BCAS3: variants seen among roughly 807,000 people sequenced by gnomAD.
BCAS3 encodes the protein BCAS3 microtubule associated cell migration factor.
A neutral mutation model predicts 116.1 loss-of-function variants in BCAS3; 53 were observed. The observed-to-expected ratio is 0.46, with a 90% CI of 0.37 to 0.57. The LOEUF is 0.57. Ranked by LOEUF, BCAS3 falls within the 20% of genes least tolerant of loss-of-function variation. The pLI is 0.00. For missense variants in BCAS3, 917 were observed against 1,165.4 expected, an observed-to-expected ratio of 0.79 and a Z score of 3.10; for synonymous variants, 391 against 408.2, an observed-to-expected ratio of 0.96 and a Z score of 0.51.
intron 22 of BCAS3, among the ~76,000 whole-genome samples, chr17:61,179,447 G>A (rs933721560): frequency 4.6e-5 from 7 of 152,154 alleles, no homozygotes; most frequent in African/African-American, 1.7e-4. Context: ...AGCCCCAGTA[G>A]ACAGGCTATT....
intron 22 of BCAS3, among the ~76,000 whole-genome samples, chr17:61,103,737 C>T (rs2051068547): frequency 6.6e-6 from 1 of 152,096 alleles, no homozygotes; most frequent in African/African-American, 2.4e-5. Flanking sequence ...TCTATTGCTC[C>T]CTCACAGCAA....
chr17:60,910,151 A>G (rs2058414419), intron 11 of BCAS3, among the ~76,000 whole-genome samples: 1 of 152,212 alleles, frequency 6.6e-6, no homozygotes, highest in Admixed American at 6.5e-5. Context: ...AGAATTGACC[A>G]TTTCATAGTT....
At chr17:60,732,272 G>A (rs1354634978) in intron 5 of BCAS3, among the ~76,000 whole-genome samples, 2 of 152,044 alleles carry the variant, frequency 1.3e-5, no homozygotes, top group Non-Finnish European at 2.9e-5. Context: ...GTCTCCATAT[G>A]GTTAGTACAT....
At position 61,343,285 on chromosome 17, in the gene BCAS3, A is replaced by G. The variant is rs140956334; in HGVS notation, c.2426-25042A>G. On this transcript the variant is annotated intron_variant, in intron 22 of 23. Coordinates refer to ENST00000407086, the MANE Select transcript of BCAS3 (RefSeq NM_017679.5). This position sits in a 1 kb window ranked among gnomAD's most constrained non-coding sequence, Gnocchi z 5.5. ...GTGGAGGAGCAGAACAAGCCCTTCAATTGTGCACCGTTGTGTATGGTGCCA... is the reference window on the plus strand; with the variant it reads ...GTGGAGGAGCAGAACAAGCCCTTCAGTTGTGCACCGTTGTGTATGGTGCCA... 3.1e-3 allele frequency among the ~76,000 whole-genome samples: 472 copies of G among 152,308 alleles called. 9 individuals are homozygous for G. The highest frequency in any genetic ancestry group is 0.029 in the Admixed American group (437 of 15,288).
At chr17:61,312,116 G>C (rs1328612673) in intron 22 of BCAS3, among the ~76,000 whole-genome samples, 3 of 152,322 alleles carry the variant, frequency 2.0e-5, no homozygotes, top group Non-Finnish European at 4.4e-5. Context: ...TAGGCCGTCA[G>C]TAAGAGGTAC....
intron 13 of BCAS3, among the ~76,000 whole-genome samples, chr17:60,929,543 CTT>C (rs954373283): frequency 1.3e-5 from 2 of 151,890 alleles, no homozygotes; most frequent in African/African-American, 4.8e-5. Context: ...TATGTAATTT[CTT>C]TTTTATTTTA....
intron 23 of BCAS3, among the ~76,000 whole-genome samples, chr17:61,369,708 A>G (rs2058946059): frequency 6.6e-6 from 1 of 152,172 alleles, no homozygotes; most frequent in South Asian, 2.1e-4. Context: ...GATGGAAACG[A>G]TAGGTGCAAG....
chr17:60,757,208 TG>T (rs1224284891), intron 6 of BCAS3, among the ~76,000 whole-genome samples: 1 of 150,466 alleles, frequency 6.6e-6, no homozygotes, highest in Non-Finnish European at 1.5e-5. Flanking sequence ...ATTAGCCACT[TG>T]GGGGGCTGAG....
chr17:60,839,857 A>T (rs1156554463), intron 7 of BCAS3, among the ~76,000 whole-genome samples: 3 of 152,174 alleles, frequency 2.0e-5, no homozygotes, highest in Non-Finnish European at 4.4e-5. Flanking sequence ...ATACATGCAC[A>T]TTCTTGGAAA....
chr17:61,266,233 A>G (rs1327063734), intron 22 of BCAS3, among the ~76,000 whole-genome samples: 1 of 152,206 alleles, frequency 6.6e-6, no homozygotes, highest in East Asian at 1.9e-4. Context: ...TTACCTTAGT[A>G]CTTGGGAGTT....
Position 61,241,527 on chromosome 17 carries a change from C to T in BCAS3, c.2426-126800C>T, listed in dbSNP as rs945159117. Among the ~76,000 whole-genome samples, 12 of 151,864 alleles carry T rather than the reference C, an allele frequency of 7.9e-5. No individual in the cohort carries two copies. Among genetic ancestry groups the T allele is most frequent in the South Asian group, 2.1e-4 (1 of 4,816 alleles). On this transcript the variant is annotated intron_variant, in intron 22 of 23. Coordinates refer to ENST00000407086, the MANE Select transcript of BCAS3 (RefSeq NM_017679.5). This position sits in a 1 kb window ranked among gnomAD's most constrained non-coding sequence, Gnocchi z 4.6. ...GAGATCAAGACCATCCTCGCTAACA[C>T]GGTGAAACCCCACCTCTACTAAAAA... is the stretch of plus-strand genomic sequence containing the variant.
intron 7 of BCAS3, among the ~76,000 whole-genome samples, chr17:60,858,015 T>A (rs1433757799): frequency 1.2e-4 from 19 of 152,094 alleles, no homozygotes. Flanking sequence ...TAGTGTGTTG[T>A]AGCCATCATG....
Position 60,967,121 on chromosome 17 carries a change from A to T in BCAS3, c.1221+19769A>T, listed in dbSNP as rs1275755495. 3.3e-5 allele frequency among the ~76,000 whole-genome samples: 5 copies of T among 152,144 alleles called. No individual in the cohort carries two copies. The highest frequency in any genetic ancestry group is 7.4e-5 in the Non-Finnish European group (5 of 68,010). ...GTTATAGAGTATTTTGTGTTTCACC[A>T]TGTACTTTTTACCAGTGGGTTTTAT... On this transcript the variant is annotated intron_variant, in intron 14 of 23. Transcript: ENST00000407086. The surrounding 1 kb of genome is among the most constrained non-coding windows in gnomAD (Gnocchi z 4.7).
chr17:60,789,867 A>C (rs1275986320), intron 6 of BCAS3, among the ~76,000 whole-genome samples: 1 of 152,196 alleles, frequency 6.6e-6, no homozygotes, highest in African/African-American at 2.4e-5. Context: ...TTATGTGGAC[A>C]CTTTTATTCA....
At chr17:61,253,867 CTG>C (rs1568675339) in intron 22 of BCAS3, among the ~76,000 whole-genome samples, 1 of 152,032 alleles carries the variant, frequency 6.6e-6, no homozygotes. Flanking sequence ...TGGGGGAAAA[CTG>C]AAGCGCAGAA....
intron 7 of BCAS3, among the ~76,000 whole-genome samples, chr17:60,854,949 G>GTTTTTTTTTTTTTTTTTTT (rs1267985905): frequency 2.5e-5 from 3 of 121,954 alleles, no homozygotes; most frequent in Admixed American, 8.2e-5. Flanking sequence ...TTTCAGTGAG[G>GTTTTTTTTTTTTTTTTTTT]TTTTTTTTTT....
Position 61,040,906 on chromosome 17 carries a change from ATT to A in BCAS3, c.2029+23_2029+24del. 6.6e-7 allele frequency: 1 copy of A among 1,523,284 alleles called. No individual in the cohort carries two copies. 94.4% of individuals were successfully genotyped at this position (1,523,284 alleles called of 1,614,324 possible). A position where few individuals can be genotyped will look rare whatever the true frequency, so the allele number is the denominator to read the frequency against. ...TGCTTGCTGGCCGTAAGTAGTTCAG[ATT>A]TTTTTTTTCCTTTCGTATGGTCTAT... is the stretch of plus-strand genomic sequence containing the variant. On this transcript the variant is annotated intron_variant, in intron 19 of 23. Coordinates refer to ENST00000407086, the MANE Select transcript of BCAS3 (RefSeq NM_017679.5).
chr17:60,722,821 A>G (rs1162005427), intron 5 of BCAS3, among the ~76,000 whole-genome samples: 3 of 151,566 alleles, frequency 2.0e-5, no homozygotes. Flanking sequence ...TAATCCTGGC[A>G]CTTTGGGAGG....
At chr17:60,680,032 G>C (rs2032758163) in intron 2 of BCAS3, among the ~76,000 whole-genome samples, 1 of 151,138 alleles carries the variant, frequency 6.6e-6, no homozygotes, top group African/African-American at 2.4e-5. Flanking sequence ...TACTCGGGAG[G>C]CTGAGTCAGG....
Sources: allele counts gnomAD v4.1 joint callset (sites outside exome capture counted in the v4.1 genomes callset), GRCh38; gene constraint gnomAD v4.1.1; non-coding constraint Gnocchi (gnomAD v3.1); transcripts MANE v1.5; gene names NCBI Gene and HGNC (gene_info 2026-07-23, HGNC 2026-07-21).